MCFD2: variants seen among roughly 807,000 people sequenced by gnomAD.
The protein encoded by MCFD2 is multiple coagulation factor deficiency 2, ER cargo receptor complex subunit.
A neutral mutation model predicts 12.8 loss-of-function variants in MCFD2; 11 were observed. The observed-to-expected ratio is 0.86, with a 90% confidence interval of 0.54 to 1.42. The LOEUF (loss-of-function observed/expected upper bound fraction) is 1.42, where lower values mean the gene tolerates loss of function less well. MCFD2 is among the 40% of genes most tolerant of loss of function. The probability of loss-of-function intolerance (pLI) is 0.00; values close to 1 mark genes in which losing one functional copy is unlikely to be tolerated. For missense variants in MCFD2, 191 were observed against 178.6 expected, an observed-to-expected ratio of 1.07 and a Z score of -0.40; for synonymous variants, 70 against 68.1, an observed-to-expected ratio of 1.03 and a Z score of -0.14.
At position 46,905,163 on chromosome 2, in the gene MCFD2, CT is replaced by C; in HGVS notation, c.*299del. 5.2e-6 allele frequency: 2 copies of C among 384,732 alleles called. No individual in the cohort carries two copies. The highest frequency in any genetic ancestry group is 9.8e-6 in the Non-Finnish European group (2 of 204,654). The allele number at this position is 384,732 out of a possible 1,614,324, so 23.8% of individuals were successfully genotyped here. The stretch of plus-strand genomic sequence containing the variant: ...TGGAACTGTAAGTCCAAGTAAACCT[CT>C]TTTTCTTCCCAGTCTCGGGTACGTC... On this transcript the variant is annotated 3_prime_UTR_variant, in exon 4 of 4. Coordinates refer to ENST00000319466, the MANE Select transcript of MCFD2 (RefSeq NM_139279.6).
At chr2:46,924,626 CT>C (rs1322616067) in intron 1 of MCFD2, among the ~76,000 whole-genome samples, 75 of 147,478 alleles carry the variant, frequency 5.1e-4, no homozygotes, top group Admixed American at 6.8e-4. Flanking sequence ...TGGATATTTT[CT>C]TTTTTTTTTT....
At chr2:46,917,498 G>C (rs1668872440), upstream of MCFD2, among the ~76,000 whole-genome samples, 1 of 152,108 alleles carries the variant, frequency 6.6e-6, no homozygotes, top group African/African-American at 2.4e-5. Context: ...CTATGTACTA[G>C]GCGCTCTACT....
intron 1 of MCFD2, among the ~76,000 whole-genome samples, chr2:46,923,446 A>G (rs1428083370): frequency 3.9e-5 from 6 of 152,254 alleles, no homozygotes. Context: ...TAGGAGTTGT[A>G]TGCTAGAAAA....
At chr2:46,917,803 T>G (rs1274280462), upstream of MCFD2, among the ~76,000 whole-genome samples, 1 of 152,242 alleles carries the variant, frequency 6.6e-6, no homozygotes, top group African/African-American at 2.4e-5. Context: ...AACACTGTTT[T>G]ATCAAAGCCA....
upstream of MCFD2, chr2:46,917,422 CTT>C (rs1347307120): frequency 3.5e-6 from 2 of 564,584 alleles, no homozygotes; most frequent in Admixed American, 3.5e-5. Context: ...TCATCCATCT[CTT>C]CATCCATTCA....
intron 1 of MCFD2, among the ~76,000 whole-genome samples, chr2:46,912,910 C>G (rs1668542364): frequency 6.6e-6 from 1 of 152,156 alleles, no homozygotes; most frequent in South Asian, 2.1e-4. Context: ...GTCACTGTAA[C>G]TGAAGATGAA....
Position 46,908,980 on chromosome 2 carries a change from T to G in MCFD2, c.149+43A>C, listed in dbSNP as rs903845224. 2.5e-6 allele frequency: 4 copies of G among 1,613,710 alleles called. No homozygotes were observed. The Admixed American group carries it at 6.7e-5, about 27-fold the overall frequency. On this transcript the variant is annotated intron_variant, in intron 2 of 3. Transcript: ENST00000319466. This position sits in a 1 kb window ranked among gnomAD's most constrained non-coding sequence, Gnocchi z 4.5. ...CCCTTGCCGCTGGCTCAGCTGCAGATGATGGGGAGGCCACTGGACCACAGC... is the reference window on the plus strand; with the variant it reads ...CCCTTGCCGCTGGCTCAGCTGCAGAGGATGGGGAGGCCACTGGACCACAGC...
Position 46,940,369 on chromosome 2 carries a change from CAGCACTGGTCTGTG to C in MCFD2, c.-8+1189_-8+1202del, listed in dbSNP as rs917864318. Among the ~76,000 whole-genome samples the C allele has an allele frequency of 1.1e-4, 17 of 152,240 alleles. No homozygotes were observed. Among genetic ancestry groups the C allele is most frequent in the African/African-American group, 4.1e-4 (17 of 41,560 alleles). On this transcript the variant is annotated intron_variant, in intron 1 of 2. Transcript: ENST00000409147. This position sits in a 1 kb window ranked among gnomAD's most constrained non-coding sequence, Gnocchi z 4.7. Reference sequence around the variant, plus strand: ...GTTTCGGGTCTTGCTGTGGCTTCTCCAGCACTGGTCTGTGAGCTGCGGCGGCAGCGGGGCCGGGC... The same window carrying C: ...GTTTCGGGTCTTGCTGTGGCTTCTCCAGCTGCGGCGGCAGCGGGGCCGGGC...
chr2:46,916,164 A>G, upstream of MCFD2: 3 of 985,442 alleles, frequency 3.0e-6, no homozygotes, highest in Non-Finnish European at 3.6e-6. Flanking sequence ...CCCCTCCTAT[A>G]CAGGGCTCTT....
intron 1 of MCFD2, among the ~76,000 whole-genome samples, chr2:46,924,399 C>T (rs926812884): frequency 2.0e-5 from 3 of 152,012 alleles, no homozygotes; most frequent in African/African-American, 7.3e-5. Context: ...GTGAGCTTAG[C>T]TCTCCAATTA....
At chr2:46,933,366 G>A (rs1669811275) in intron 1 of MCFD2, among the ~76,000 whole-genome samples, 1 of 152,210 alleles carries the variant, frequency 6.6e-6, no homozygotes, top group Admixed American at 6.5e-5. Context: ...AACATTCTGA[G>A]ATTCTAAAAT....
At chr2:46,913,558 A>G (rs528828645) in intron 1 of MCFD2, 6 of 152,376 alleles carry the variant, frequency 3.9e-5, no homozygotes, top group African/African-American at 1.2e-4. Context: ...TGCTCTAACT[A>G]CTTAGCTCAA....
chr2:46,917,812 CA>C (rs1668893149), upstream of MCFD2, among the ~76,000 whole-genome samples: 1 of 152,172 alleles, frequency 6.6e-6, no homozygotes, highest in African/African-American at 2.4e-5. Flanking sequence ...TTATCAAAGC[CA>C]ACCACTCTCA....
chr2:46,911,501 C>T (rs1382620226), intron 1 of MCFD2, among the ~76,000 whole-genome samples: 1 of 150,600 alleles, frequency 6.6e-6, no homozygotes, highest in Admixed American at 6.6e-5. Flanking sequence ...AAAGAATGCT[C>T]AATATATATT....
intron 3 of MCFD2, among the ~76,000 whole-genome samples, chr2:46,906,475 A>ATTTTT (rs70940646): frequency 1.1e-5 from 1 of 91,702 alleles, no homozygotes. Context: ...AGGCACGAGG[A>ATTTTT]TTTTTTTTTT....
In MCFD2 at chr2:46,940,423, T is replaced by TC. The variant is rs994170520; in HGVS notation, c.-8+1148dup. ...CGGGGCCGGGCCCCTGTAAGAGGTC[T>TC]CCCCCCAAGGGTGGACCTCGGCTGC... is the stretch of plus-strand genomic sequence containing the variant. On this transcript the variant is annotated intron_variant, in intron 1 of 2. Transcript: ENST00000409147. The surrounding 1 kb of genome is among the most constrained non-coding windows in gnomAD (Gnocchi z 4.7). Among the ~76,000 whole-genome samples, 4 of 151,936 alleles carry TC rather than the reference T, an allele frequency of 2.6e-5. No individual in the cohort carries two copies. Among genetic ancestry groups the TC allele is most frequent in the Admixed American group, 6.5e-5 (1 of 15,276 alleles).
chr2:46,909,615 G>C (rs1449105684), intron 1 of MCFD2, among the ~76,000 whole-genome samples: 1 of 152,224 alleles, frequency 6.6e-6, no homozygotes, highest in Non-Finnish European at 1.5e-5. Flanking sequence ...AGAGAAGGCT[G>C]ATAGAGCTGG....
chr2:46,917,523 A>G (rs138699639), upstream of MCFD2, among the ~76,000 whole-genome samples: 45 of 152,358 alleles, frequency 3.0e-4, no homozygotes, highest in African/African-American at 1.1e-3. Flanking sequence ...GCTACTAGAG[A>G]TACAAATAAG....
chr2:46,921,249 T>C (rs1289523569), intron 1 of MCFD2, among the ~76,000 whole-genome samples: 1 of 152,192 alleles, frequency 6.6e-6, no homozygotes, highest in African/African-American at 2.4e-5. Flanking sequence ...ACAGATAATA[T>C]GATCATGCAC....
Sources: allele counts gnomAD v4.1 joint callset (sites outside exome capture counted in the v4.1 genomes callset), GRCh38; gene constraint gnomAD v4.1.1; non-coding constraint Gnocchi (gnomAD v3.1); transcripts MANE v1.5; gene names NCBI Gene and HGNC (gene_info 2026-07-23, HGNC 2026-07-21).